Variants in BIN1 observed in about 807,000 individuals in gnomAD.
BIN1 encodes myc box-dependent-interacting protein 1.
BIN1 carries 53 observed loss-of-function variants against 82.0 expected under a neutral mutation model. The observed-to-expected ratio is 0.65, with a 90% confidence interval of 0.52 to 0.81. BIN1 has a LOEUF of 0.81. BIN1 is among the 40% of genes least tolerant of loss of function. The pLI is 0.00. For synonymous variants in BIN1, 302 were observed against 328.0 expected (o/e 0.92, Z 0.86); for missense variants, 642 against 784.4 (o/e 0.82, Z 2.17).
intron 9 of BIN1, 27 bp downstream of exon 9, chr2:127,063,544 C>A (rs749145493): frequency 6.2e-7 from 1 of 1,609,738 alleles, no homozygotes; most frequent in Non-Finnish European, 8.5e-7. Context: ...TGGGGTGTGG[C>A]CCCTCAGAGG....
At chr2:127,049,183 G>T (rs1001556318) in intron 18 of BIN1, among the ~76,000 whole-genome samples, 11 of 152,346 alleles carry the variant, frequency 7.2e-5, no homozygotes, top group Admixed American at 5.9e-4. Flanking sequence ...TGTGCCTGGG[G>T]CCTACCTGGG....
chr2:127,102,164 G>C (rs537912317), intron 1 of BIN1, among the ~76,000 whole-genome samples: 1 of 152,324 alleles, frequency 6.6e-6, no homozygotes, highest in Non-Finnish European at 1.5e-5. Flanking sequence ...GTGCACGCCT[G>C]TGCATGCTGT....
At chr2:127,097,385 A>C (rs1679744291) in intron 1 of BIN1, among the ~76,000 whole-genome samples, 1 of 151,300 alleles carries the variant, frequency 6.6e-6, no homozygotes, top group African/African-American at 2.4e-5. Context: ...CAGCAGCGTC[A>C]GCCCTCCAGG....
chr2:127,078,362 A>T (rs144090315), intron 1 of BIN1, among the ~76,000 whole-genome samples: 101 of 152,316 alleles, frequency 6.6e-4, no homozygotes, highest in Non-Finnish European at 1.3e-3. Flanking sequence ...CTGGGGGTAG[A>T]GATCTCTTCT....
At chr2:127,102,075 C>T (rs1330644112) in intron 1 of BIN1, among the ~76,000 whole-genome samples, 1 of 152,238 alleles carries the variant, frequency 6.6e-6, no homozygotes, top group Non-Finnish European at 1.5e-5. Flanking sequence ...TGAAGAGGAA[C>T]TGTTCTTATT....
intron 2 of BIN1, among the ~76,000 whole-genome samples, chr2:127,072,704 A>G (rs866608643): frequency 1.3e-5 from 2 of 152,182 alleles, no homozygotes; most frequent in Middle Eastern, 3.4e-3. Context: ...CTTTACAAAC[A>G]TCCAAGTCCA....
At chr2:127,081,915 G>T (rs1687342860) in intron 1 of BIN1, 7 of 1,268,780 alleles carry the variant, frequency 5.5e-6, no homozygotes, top group Non-Finnish European at 7.2e-6. Context: ...CCTCCCAGCA[G>T]AGCCTGCGGT....
intron 1 of BIN1, among the ~76,000 whole-genome samples, chr2:127,078,976 C>G (rs548123304): frequency 1.4e-4 from 22 of 152,304 alleles, no homozygotes; most frequent in African/African-American, 5.1e-4. Context: ...CTGCCCAGCT[C>G]CCAAGGCAAG....
At chr2:127,058,225 G>A (rs148049778) in intron 11 of BIN1, among the ~76,000 whole-genome samples, 5 of 152,346 alleles carry the variant, frequency 3.3e-5, no homozygotes, top group African/African-American at 9.6e-5. Flanking sequence ...TGATGACAGC[G>A]CCTGCTTCAC....
chr2:127,065,311 G>T (rs1177666925), intron 7 of BIN1, among the ~76,000 whole-genome samples: 12 of 152,086 alleles, frequency 7.9e-5, no homozygotes, highest in Non-Finnish European at 1.8e-4. Flanking sequence ...GGAGCGGGGG[G>T]TGGGGAAGAA....
chr2:127,083,639 CCTTTATGT>C (rs1222240102), intron 1 of BIN1, among the ~76,000 whole-genome samples: 1 of 152,178 alleles, frequency 6.6e-6, no homozygotes, highest in Non-Finnish European at 1.5e-5. Flanking sequence ...CCCCAAATGC[CCTTTATGT>C]CTGGGTCTAG....
At chr2:127,053,279 C>A in intron 14 of BIN1, 143 bp downstream of exon 14, 2 of 1,232,322 alleles carry the variant, frequency 1.6e-6, no homozygotes, top group East Asian at 5.1e-5. Flanking sequence ...GCTCCCTGTG[C>A]GTGAGCACGT....
chr2:127,058,280 G>A (rs1683967891), intron 11 of BIN1, among the ~76,000 whole-genome samples: 1 of 152,234 alleles, frequency 6.6e-6, no homozygotes, highest in Non-Finnish European at 1.5e-5. Context: ...AGAAGGCACT[G>A]GCACCATGTC....
At chr2:127,073,604 AC>A (rs1277133398) in intron 2 of BIN1, among the ~76,000 whole-genome samples, 1 of 152,146 alleles carries the variant, frequency 6.6e-6, no homozygotes, top group East Asian at 1.9e-4. Flanking sequence ...GGGGGCAGGG[AC>A]GGCCCTCCTA....
rs973813149 is a variant in BIN1 at position 127,054,224 on chromosome 2, C to T, written c.1132-212G>A. 5 of 603,898 alleles carry T rather than the reference C, an allele frequency of 8.3e-6. No individual in the cohort carries two copies. The East Asian group carries it at 8.6e-5, about 10-fold the overall frequency. The allele number at this position is 603,898 out of a possible 1,614,324, so 37.4% of individuals were successfully genotyped here. On this transcript the variant is annotated intron_variant, in intron 12 of 18. Transcript: ENST00000316724. Reference sequence around the variant, plus strand: ...TCACACACGGGAGCACTGCCCAAAGCCACGCGCCCCGGCACAGGCTCCCGC... The same window carrying T: ...TCACACACGGGAGCACTGCCCAAAGTCACGCGCCCCGGCACAGGCTCCCGC...
intron 12 of BIN1, 141 bp from the exon 13 acceptor site, chr2:127,054,153 A>G: frequency 2.8e-6 from 2 of 706,400 alleles, no homozygotes; most frequent in Non-Finnish European, 5.1e-6. Flanking sequence ...AAGCGCACAT[A>G]CACGCACACA....
chr2:127,081,725 A>AC, intron 1 of BIN1: 1 of 1,179,794 alleles, frequency 8.5e-7, no homozygotes, highest in Non-Finnish European at 1.1e-6. Flanking sequence ...AGTTCCCAAC[A>AC]CCCCACCCCC....
chr2:127,086,288 C>T (rs1558865443), intron 1 of BIN1, among the ~76,000 whole-genome samples: 2 of 152,232 alleles, frequency 1.3e-5, no homozygotes, highest in African/African-American at 2.4e-5. Flanking sequence ...CTGGGGGGAG[C>T]GGGCGTGTGT....
rs2276576 is a variant in BIN1, at chr2:127,076,387, C to T, written c.165+239G>A. ...CTATCCCACCCTCCCCCTCCCCCTC[C>T]CCCAACTACCGTTTCTATGTCTCCT... On this transcript the variant is annotated intron_variant, in intron 2 of 18. Transcript: ENST00000316724. Among the ~76,000 whole-genome samples the T allele has an allele frequency of 0.17, 25,138 of 147,248 alleles. 2,140 individuals carry two copies. Among genetic ancestry groups the T allele is most frequent in the South Asian group, 0.24 (1,082 of 4,570 alleles).
Sources: gnomAD v4.1 joint callset for allele counts (sites outside exome capture counted in the v4.1 genomes callset) on GRCh38, gnomAD v4.1.1 for gene constraint, MANE v1.5 for transcripts, NCBI Gene and HGNC (gene_info 2026-07-23, HGNC 2026-07-21) for gene names.